The following OTULIN variants were observed in gnomAD, a reference collection of about 807,000 sequenced individuals.
OTULIN encodes OTU deubiquitinase with linear linkage specificity.
In OTULIN, 15 loss-of-function variants were observed where a neutral mutation model predicts 39.6. The observed-to-expected ratio is 0.38, with a 90% CI of 0.25 to 0.58. The LOEUF (loss-of-function observed/expected upper bound fraction) is 0.58. Ranked by LOEUF, OTULIN falls within the 20% of genes least tolerant of loss-of-function variation. The pLI, the probability that OTULIN is intolerant of heterozygous loss-of-function variation, is 0.66. For synonymous variants in OTULIN, 156 were observed against 170.3 expected (o/e 0.92, Z 0.65); for missense variants, 319 against 445.9 (o/e 0.72, Z 2.56).
rs1273026229 is a variant in OTULIN, at chr5:14,664,785, C to A, written c.-41C>A. 8.6e-7 allele frequency: 1 copy of A among 1,163,352 alleles called. No individual in the cohort carries two copies. Among genetic ancestry groups the A allele is most frequent in the South Asian group, 4.0e-5 (1 of 24,770 alleles). 72.1% of individuals were successfully genotyped at this position (1,163,352 alleles called of 1,614,324 possible). A position where few individuals can be genotyped will look rare whatever the true frequency, so the allele number is the denominator to read the frequency against. On this transcript the variant is annotated 5_prime_UTR_variant, in exon 1 of 7. Coordinates refer to ENST00000284274, the MANE Select transcript of OTULIN (RefSeq NM_138348.6). ...CACCCCGACGGGAGGGGCTCCGGAT[C>A]GTTCGGAGCCGGCTGAACCCCTTCG...
the OTULIN span, among the ~76,000 whole-genome samples, chr5:14,716,375 C>T: frequency 1.5e-4 from 23 of 152,266 alleles, no homozygotes; most frequent in South Asian, 1.0e-3. Context: ...TGCCTGTAGT[C>T]CCAGCTACTT....
chr5:14,681,316 A>T, intron 3 of OTULIN, 148 bp from the exon 4 acceptor site: 1 of 813,532 alleles, frequency 1.2e-6, no homozygotes, highest in Non-Finnish European at 1.9e-6. Context: ...AGTAAGTGTT[A>T]AAACAATTGC....
the OTULIN span, chr5:14,713,650 G>A: frequency 1.2e-6 from 2 of 1,614,116 alleles, no homozygotes; most frequent in South Asian, 2.2e-5. This position sits in a 1 kb window ranked among gnomAD's most constrained non-coding sequence, Gnocchi z 4.4. Flanking sequence ...CACCCGGTGA[G>A]ATGCGCCCTC....
At position 14,675,193 on chromosome 5, in the gene OTULIN, GC is replaced by G. The variant is rs949285652; in HGVS notation, c.229+1477del. On this transcript the variant is annotated intron_variant, in intron 2 of 6. Coordinates refer to ENST00000284274, the MANE Select transcript of OTULIN (RefSeq NM_138348.6). ...CAAGTTAGTATGAGTTTATTATGGT[GC>G]CAAAAAAAATTGAAATCCGTCCATA... 1.1e-4 allele frequency among the ~76,000 whole-genome samples: 17 copies of G among 152,098 alleles called. 1 individual carries two copies. Among genetic ancestry groups the G allele is most frequent in the Admixed American group, 1.0e-3 (16 of 15,264 alleles).
Position 14,664,943 on chromosome 5 carries a change from C to T in OTULIN, c.118C>T (p.Gln40Ter). Residue 40 changes from glutamine to a stop codon, truncating the protein, a stop_gained, in exon 1 of 7, where the codon CAG becomes TAG. Transcript: ENST00000284274. LOFTEE classifies it high-confidence loss of function. ...CGGCGGGAAGGCGGCGGCCAGCGGG[C>T]AGCCGCGGCCCGAGATGCAGTGCCC... The part of the protein sequence containing the change: ...RDGGKAAASG[Q>*]PRPEMQCPAE... 8.9e-7 allele frequency: 1 copy of T among 1,126,528 alleles called. No homozygotes were observed. Among genetic ancestry groups the T allele is most frequent in the Non-Finnish European group, 1.1e-6 (1 of 921,390 alleles). 69.8% of individuals were successfully genotyped at this position (1,126,528 alleles called of 1,614,324 possible). A position where few individuals can be genotyped will look rare whatever the true frequency, so the allele number is the denominator to read the frequency against.
At chr5:14,666,368 C>T (rs1350425430) in intron 1 of OTULIN, among the ~76,000 whole-genome samples, 1 of 152,142 alleles carries the variant, frequency 6.6e-6, no homozygotes, top group African/African-American at 2.4e-5. Flanking sequence ...CTTCTGTCTG[C>T]TGCTAGTAGA....
chr5:14,687,448 T>TA, intron 4 of OTULIN, 73 bp from the exon 5 acceptor site: 1 of 1,529,518 alleles, frequency 6.5e-7, no homozygotes, highest in Middle Eastern at 1.8e-4. Context: ...TGTGGTTTCT[T>TA]ACAGCTTGGA....
intron 5 of OTULIN, among the ~76,000 whole-genome samples, chr5:14,688,509 G>T (rs1296817142): frequency 1.3e-5 from 2 of 152,214 alleles, no homozygotes; most frequent in African/African-American, 4.8e-5. Context: ...CCAGCAGCAG[G>T]TCTGGCACAT....
At chr5:14,684,138 G>A (rs745644092) in intron 4 of OTULIN, among the ~76,000 whole-genome samples, 1 of 152,302 alleles carries the variant, frequency 6.6e-6, no homozygotes, top group South Asian at 2.1e-4. Context: ...TTGGTCACTT[G>A]GTTTGGTTTT....
At chr5:14,700,268 T>G (rs1736770064), downstream of OTULIN, among the ~76,000 whole-genome samples, 1 of 152,196 alleles carries the variant, frequency 6.6e-6, no homozygotes, top group African/African-American at 2.4e-5. Context: ...TCAGGCCCTT[T>G]GGTTGCAAGT....
chr5:14,676,048 C>G (rs1050258589), intron 2 of OTULIN, among the ~76,000 whole-genome samples: 1 of 152,262 alleles, frequency 6.6e-6, no homozygotes, highest in Non-Finnish European at 1.5e-5. Flanking sequence ...CTGTCTGGCC[C>G]GTTACAGACA....
chr5:14,691,838 A>G (rs949349565), intron 6 of OTULIN, among the ~76,000 whole-genome samples: 1 of 152,220 alleles, frequency 6.6e-6, no homozygotes, highest in Non-Finnish European at 1.5e-5. Context: ...ATGGAATCAT[A>G]TAATATGTGG....
downstream of OTULIN, among the ~76,000 whole-genome samples, chr5:14,703,354 A>G (rs1736849670): frequency 1.1e-5 from 1 of 91,130 alleles, no homozygotes; most frequent in East Asian, 3.3e-4. Context: ...AAAAAAAAAA[A>G]AAAAAAAAAC....
chr5:14,701,432 G>T (rs1282394858), downstream of OTULIN, among the ~76,000 whole-genome samples: 1 of 152,106 alleles, frequency 6.6e-6, no homozygotes, highest in African/African-American at 2.4e-5. Flanking sequence ...TCAAACTCGG[G>T]ATTTGCCAGC....
At chr5:14,682,436 C>T (rs1736275079) in intron 4 of OTULIN, among the ~76,000 whole-genome samples, 1 of 152,104 alleles carries the variant, frequency 6.6e-6, no homozygotes, top group African/African-American at 2.4e-5. Context: ...AAGATTACAA[C>T]TTGCTGAAGG....
At chr5:14,684,294 C>G (rs1362253887) in intron 4 of OTULIN, among the ~76,000 whole-genome samples, 1 of 152,202 alleles carries the variant, frequency 6.6e-6, no homozygotes, top group East Asian at 1.9e-4. Flanking sequence ...TGTCATCCAG[C>G]CAGAGGACTT....
downstream of OTULIN, among the ~76,000 whole-genome samples, chr5:14,704,424 G>A (rs1406083424): frequency 8.6e-5 from 13 of 151,848 alleles, no homozygotes; most frequent in African/African-American, 2.4e-4. Context: ...GTGGGCAGGA[G>A]GATTGTCGGG....
chr5:14,714,880 C>T, the OTULIN span, among the ~76,000 whole-genome samples: 2 of 152,216 alleles, frequency 1.3e-5, no homozygotes, highest in Non-Finnish European at 2.9e-5. Flanking sequence ...CACTCCAGGC[C>T]CCTCCTCTGG....
At chr5:14,711,393 G>C in the OTULIN span, 1 of 1,203,594 alleles carries the variant, frequency 8.3e-7, no homozygotes, top group Non-Finnish European at 1.2e-6. Flanking sequence ...ACAACACCGG[G>C]GTCTTGGGGG....
Sources: gnomAD v4.1 joint callset for allele counts (sites outside exome capture counted in the v4.1 genomes callset) on GRCh38, gnomAD v4.1.1 for gene constraint, Gnocchi (gnomAD v3.1) non-coding constraint, MANE v1.5 for transcripts, NCBI Gene and HGNC (gene_info 2026-07-23, HGNC 2026-07-21) for gene names.